MED27: variants seen among roughly 807,000 people sequenced by gnomAD.
MED27 encodes mediator of RNA polymerase II transcription subunit 27.
Under a neutral mutation model 38.2 loss-of-function variants are expected in MED27, and 30 were observed. The observed-to-expected ratio is 0.79, with a 90% CI of 0.59 to 1.07. MED27 has a LOEUF of 1.07. MED27 is among the 50% of genes least tolerant of loss of function. The pLI, the probability that MED27 is intolerant of heterozygous loss-of-function variation, is 0.00. For synonymous variants in MED27, 122 were observed against 153.5 expected, an observed-to-expected ratio of 0.79 and a Z score of 1.52; for missense variants, 289 against 397.5, an observed-to-expected ratio of 0.73 and a Z score of 2.32.
intron 3 of MED27, among the ~76,000 whole-genome samples, chr9:131,974,885 C>A (rs934460255): frequency 2.0e-5 from 3 of 152,198 alleles, no homozygotes; most frequent in Non-Finnish European, 4.4e-5. Context: ...TGTTTTCCTA[C>A]ATCTCCCCCT....
chr9:131,936,136 AAAAAAAAAAAAAAAG>A (rs1830679667), intron 4 of MED27, among the ~76,000 whole-genome samples: 1 of 150,786 alleles, frequency 6.6e-6, no homozygotes, highest in Non-Finnish European at 1.5e-5. Flanking sequence ...CTGTCTCAAA[AAAAAAAAAAAAAAAG>A]AAAGAAAGAA....
At chr9:131,864,076 G>T (rs191005786) in intron 6 of MED27, among the ~76,000 whole-genome samples, 8 of 152,292 alleles carry the variant, frequency 5.3e-5, no homozygotes, top group Admixed American at 4.6e-4. Context: ...GTTAATGCCC[G>T]CCGTCAATCA....
chr9:131,922,116 A>C (rs2131553042), intron 4 of MED27, among the ~76,000 whole-genome samples: 2 of 152,044 alleles, frequency 1.3e-5, no homozygotes, highest in Middle Eastern at 3.4e-3. Context: ...GCACATGTAT[A>C]CATATCTAAC....
In MED27 at chr9:131,887,439, T is replaced by C. The variant is rs79043656; in HGVS notation, c.682-3340A>G. On this transcript the variant is annotated intron_variant, in intron 5 of 7. Transcript: ENST00000292035. ...GGGTGAAAAAGGGACCCCTTAACCATAGGGCCCTCTTTTGCTAGGAGTGCA... is the reference window on the plus strand; with the variant it reads ...GGGTGAAAAAGGGACCCCTTAACCACAGGGCCCTCTTTTGCTAGGAGTGCA... Among the ~76,000 whole-genome samples the C allele has an allele frequency of 9.3e-3, 1,422 of 152,268 alleles. 16 individuals carry two copies. Among genetic ancestry groups the C allele is most frequent in the Non-Finnish European group, 0.016 (1,091 of 68,010 alleles).
At chr9:132,025,370 C>G in intron 2 of MED27, among the ~76,000 whole-genome samples, 1 of 152,214 alleles carries the variant, frequency 6.6e-6, no homozygotes, top group African/African-American at 2.4e-5. Context: ...TTAGTAGAGA[C>G]AGGGTTCCTC....
At chr9:131,962,395 C>T (rs1831236127) in intron 3 of MED27, among the ~76,000 whole-genome samples, 1 of 152,146 alleles carries the variant, frequency 6.6e-6, no homozygotes, top group Admixed American at 6.5e-5. Flanking sequence ...TGCCACCACA[C>T]CCAGCTAATT....
chr9:132,005,765 A>G (rs1832344334), intron 3 of MED27, among the ~76,000 whole-genome samples: 1 of 152,140 alleles, frequency 6.6e-6, no homozygotes, highest in Admixed American at 6.5e-5. Context: ...ATCCCTCACC[A>G]TTCCTGGAGA....
intron 2 of MED27, among the ~76,000 whole-genome samples, chr9:132,022,429 C>A (rs575316972): frequency 1.3e-5 from 2 of 152,256 alleles, no homozygotes; most frequent in South Asian, 4.1e-4. Context: ...TTTTTAAACA[C>A]GTACTTAAGG....
chr9:132,070,435 T>C (rs577356394), intron 2 of MED27, among the ~76,000 whole-genome samples: 32 of 152,242 alleles, frequency 2.1e-4, no homozygotes, highest in Admixed American at 4.6e-4. Context: ...TGCATGCTTG[T>C]AGTCCCTGCT....
At chr9:131,895,404 G>A (rs1164500935) in intron 4 of MED27, among the ~76,000 whole-genome samples, 2 of 152,054 alleles carry the variant, frequency 1.3e-5, no homozygotes, top group Non-Finnish European at 2.9e-5. Flanking sequence ...CTTCAACTCC[G>A]ACCTGCCGTC....
At chr9:132,018,326 C>T (rs374556741) in intron 2 of MED27, among the ~76,000 whole-genome samples, 11 of 152,102 alleles carry the variant, frequency 7.2e-5, no homozygotes, top group East Asian at 3.9e-4. Flanking sequence ...CTTTAATACG[C>T]TTCAAATTAC....
chr9:132,041,164 G>A, intron 2 of MED27, among the ~76,000 whole-genome samples: 1 of 152,238 alleles, frequency 6.6e-6, no homozygotes, highest in East Asian at 1.9e-4. Flanking sequence ...GTCAACAACT[G>A]CCTCTGTGTC....
chr9:131,991,753 G>A (rs1460894641), intron 3 of MED27, among the ~76,000 whole-genome samples: 6 of 152,090 alleles, frequency 3.9e-5, no homozygotes, highest in South Asian at 4.2e-4. Context: ...ACGGAGTCTC[G>A]CTCTGTTGCC....
chr9:131,915,072 C>A (rs1361880480), intron 4 of MED27, among the ~76,000 whole-genome samples: 2 of 152,066 alleles, frequency 1.3e-5, no homozygotes, highest in African/African-American at 4.8e-5. Flanking sequence ...TTGGGTGCAG[C>A]CAGCAAATAG....
intron 2 of MED27, among the ~76,000 whole-genome samples, chr9:132,074,089 C>T (rs951932480): frequency 5.3e-5 from 8 of 152,292 alleles, no homozygotes; most frequent in East Asian, 3.9e-4. Context: ...GCAAGGACAG[C>T]GTTGATGCCA....
At chr9:131,932,540 C>T (rs990399513) in intron 4 of MED27, among the ~76,000 whole-genome samples, 1 of 152,026 alleles carries the variant, frequency 6.6e-6, no homozygotes, top group African/African-American at 2.4e-5. Flanking sequence ...TTCATAGACA[C>T]ATACAACCTA....
intron 3 of MED27, among the ~76,000 whole-genome samples, chr9:131,959,978 A>C (rs1227517574): frequency 6.6e-6 from 1 of 152,186 alleles, no homozygotes; most frequent in African/African-American, 2.4e-5. Flanking sequence ...GAACCCCAGG[A>C]AACAAATTTT....
intron 4 of MED27, among the ~76,000 whole-genome samples, chr9:131,933,677 A>G (rs1409074007): frequency 6.6e-6 from 1 of 152,144 alleles, no homozygotes; most frequent in Non-Finnish European, 1.5e-5. Context: ...CATAGGTTGG[A>G]AGAATCAATA....
chr9:132,068,377 A>G (rs1405776623), intron 2 of MED27, among the ~76,000 whole-genome samples: 1 of 152,130 alleles, frequency 6.6e-6, no homozygotes, highest in Non-Finnish European at 1.5e-5. Flanking sequence ...ATCCTGAGAG[A>G]GAGGGAGGAA....
Sources: gnomAD v4.1 joint callset for allele counts (sites outside exome capture counted in the v4.1 genomes callset) on GRCh38, gnomAD v4.1.1 for gene constraint, MANE v1.5 for transcripts, NCBI Gene and HGNC (gene_info 2026-07-23, HGNC 2026-07-21) for gene names.